PSEN1: variants seen among roughly 807,000 people sequenced by gnomAD.
The protein encoded by PSEN1 is presenilin 1, also known as presenilin-1.
Under a neutral mutation model 53.5 loss-of-function variants are expected in PSEN1, and 15 were observed. That is an observed-to-expected ratio of 0.28 (90% CI 0.19 to 0.43). The LOEUF (loss-of-function observed/expected upper bound fraction) is 0.43. PSEN1 is among the 20% of genes least tolerant of loss of function. The pLI, the probability that PSEN1 is intolerant of heterozygous loss-of-function variation, is 1.00. For missense variants in PSEN1, 387 were observed against 571.2 expected (o/e 0.68, Z 3.29); for synonymous variants, 208 against 209.8 (o/e 0.99, Z 0.08).
At chr14:73,163,787 G>A (rs1487597742) in intron 3 of PSEN1, among the ~76,000 whole-genome samples, 1 of 152,188 alleles carries the variant, frequency 6.6e-6, no homozygotes, top group Non-Finnish European at 1.5e-5. Context: ...GGAATGGAGA[G>A]AGGAGGAACA....
intron 3 of PSEN1, among the ~76,000 whole-genome samples, chr14:73,151,198 T>C (rs1897213594): frequency 6.6e-6 from 1 of 152,244 alleles, no homozygotes; most frequent in Non-Finnish European, 1.5e-5. Flanking sequence ...TATATGTAGA[T>C]GCATGTAGCT....
intron 5 of PSEN1, among the ~76,000 whole-genome samples, chr14:73,179,073 T>TC (rs1163196263): frequency 6.6e-6 from 1 of 152,244 alleles, no homozygotes; most frequent in South Asian, 2.1e-4. Flanking sequence ...CTTTCTGTGA[T>TC]CTCCATGTGG....
Position 73,206,220 on chromosome 14 carries a change from G to T in PSEN1, c.869-166G>T. 3 of 656,294 alleles carry T rather than the reference G, an allele frequency of 4.6e-6. No homozygotes were observed. The South Asian group carries it at 5.1e-5, about 11-fold the overall frequency. The allele number at this position is 656,294 out of a possible 1,614,324, so 40.7% of individuals were successfully genotyped here. On this transcript the variant is annotated intron_variant, in intron 8 of 11. Coordinates refer to ENST00000324501, the MANE Select transcript of PSEN1 (RefSeq NM_000021.4). ...AGTTTCAGAACTTCTTCTCTTACCT[G>T]CTAAAACCAAAGAGAACCTTTTTTT...
intron 8 of PSEN1, among the ~76,000 whole-genome samples, chr14:73,204,525 A>AT (rs1377710479): frequency 7.0e-6 from 1 of 142,458 alleles, no homozygotes; most frequent in Non-Finnish European, 1.5e-5. Flanking sequence ...TGCTTTTTAC[A>AT]TTTAAAAAAA....
intron 10 of PSEN1, among the ~76,000 whole-genome samples, chr14:73,213,698 C>T (rs1484730017): frequency 6.6e-6 from 1 of 152,140 alleles, no homozygotes; most frequent in Non-Finnish European, 1.5e-5. Context: ...ATCAAAGGAT[C>T]TGAATGTTTA....
intron 5 of PSEN1, among the ~76,000 whole-genome samples, chr14:73,175,643 A>G (rs1014891527): frequency 1.3e-5 from 2 of 152,154 alleles, no homozygotes; most frequent in Admixed American, 6.6e-5. Flanking sequence ...AAATATTTCT[A>G]TGGCTATGAG....
Position 73,154,316 on chromosome 14 carries a change from A to T in PSEN1, c.87+6210A>T, listed in dbSNP as rs961536076. ...CACACAATTATAAACTTAATTGCAG[A>T]GCTAGGTGTGGTGGCTCATGTCTGT... On this transcript the variant is annotated intron_variant, in intron 3 of 11. Coordinates refer to ENST00000324501, the MANE Select transcript of PSEN1 (RefSeq NM_000021.4). 2.6e-5 allele frequency among the ~76,000 whole-genome samples: 4 copies of T among 152,168 alleles called. No homozygotes were observed. In the East Asian group the frequency reaches 7.7e-4, roughly 29 times the overall value.
At chr14:73,199,319 A>C (rs778610057) in intron 8 of PSEN1, among the ~76,000 whole-genome samples, 5 of 152,232 alleles carry the variant, frequency 3.3e-5, no homozygotes, top group Non-Finnish European at 5.9e-5. Flanking sequence ...AGAGGAAGAC[A>C]AGGGTCAAAC....
chr14:73,211,656 G>A, intron 9 of PSEN1, 113 bp from the exon 10 acceptor site: 1 of 1,125,496 alleles, frequency 8.9e-7, no homozygotes, highest in East Asian at 2.5e-5. Flanking sequence ...CATGCTTTGT[G>A]GTTTAAGGGC....
Position 73,182,043 on chromosome 14 carries a change from G to C in PSEN1, c.481-4810G>C, listed in dbSNP as rs543841936. Among the ~76,000 whole-genome samples, 12 of 152,272 alleles carry C rather than the reference G, an allele frequency of 7.9e-5. No individual in the cohort carries two copies. In the East Asian group the frequency reaches 1.3e-3, roughly 17 times the overall value. ...CCTGTCTCAGCCTCCCAAACTGCTG[G>C]GATAACAGGCGTGAGCCACTGTGCC... is the stretch of plus-strand genomic sequence containing the variant. On this transcript the variant is annotated intron_variant, in intron 5 of 11. Coordinates refer to ENST00000324501, the MANE Select transcript of PSEN1 (RefSeq NM_000021.4).
chr14:73,174,158 C>T (rs985320695), intron 5 of PSEN1: 3 of 190,674 alleles, frequency 1.6e-5, no homozygotes, highest in African/African-American at 7.1e-5. Context: ...AAAATAAAAG[C>T]AGAAAACAAA....
At chr14:73,188,076 G>A (rs1005084719) in intron 6 of PSEN1, among the ~76,000 whole-genome samples, 2 of 151,878 alleles carry the variant, frequency 1.3e-5, no homozygotes, top group Non-Finnish European at 1.5e-5. Flanking sequence ...CTACAGGTGC[G>A]CACCACCATG....
chr14:73,173,821 T>G (rs185118828), intron 5 of PSEN1, 114 bp downstream of exon 5: 4 of 1,290,568 alleles, frequency 3.1e-6, no homozygotes, highest in African/African-American at 1.5e-5. Flanking sequence ...CTTCTAGAGA[T>G]AAGTTAATTT....
chr14:73,196,559 C>T (rs1349295909), intron 7 of PSEN1, among the ~76,000 whole-genome samples: 1 of 149,540 alleles, frequency 6.7e-6, no homozygotes, highest in African/African-American at 2.5e-5. Flanking sequence ...CTGCAGCCTC[C>T]ACCTCCAGGG....
At chr14:73,166,241 C>T (rs1178702693) in intron 3 of PSEN1, among the ~76,000 whole-genome samples, 1 of 152,090 alleles carries the variant, frequency 6.6e-6, no homozygotes, top group Non-Finnish European at 1.5e-5. Context: ...CAGTTGGGGA[C>T]TCTGAATGAG....
chr14:73,218,730 G>A (rs1252862303), intron 11 of PSEN1, among the ~76,000 whole-genome samples: 12 of 125,612 alleles, frequency 9.6e-5, no homozygotes, highest in African/African-American at 3.5e-4. Flanking sequence ...GAATGCCCCC[G>A]CACAGCATAG....
At chr14:73,185,607 G>T (rs191221691) in intron 5 of PSEN1, among the ~76,000 whole-genome samples, 1 of 151,782 alleles carries the variant, frequency 6.6e-6, no homozygotes, top group Non-Finnish European at 1.5e-5. Flanking sequence ...GAGGGAGACC[G>T]TGGGGAGAGA....
At chr14:73,167,651 TC>T (rs1198872579) in intron 3 of PSEN1, among the ~76,000 whole-genome samples, 1 of 151,996 alleles carries the variant, frequency 6.6e-6, no homozygotes, top group Non-Finnish European at 1.5e-5. Context: ...TTAGTTTTAA[TC>T]CCCACTTTGT....
intron 7 of PSEN1, among the ~76,000 whole-genome samples, chr14:73,195,265 C>T (rs940645767): frequency 6.6e-6 from 1 of 151,886 alleles, no homozygotes; most frequent in African/African-American, 2.4e-5. Flanking sequence ...CTCTCCCTCC[C>T]GGGATCAAGC....
Sources: allele counts gnomAD v4.1 joint callset (sites outside exome capture counted in the v4.1 genomes callset), GRCh38; gene constraint gnomAD v4.1.1; transcripts MANE v1.5; gene names NCBI Gene and HGNC (gene_info 2026-07-23, HGNC 2026-07-21).